EPM2A: variants seen among roughly 807,000 people sequenced by gnomAD.
EPM2A encodes laforin.
A neutral mutation model predicts 26.5 loss-of-function variants in EPM2A; 21 were observed. The ratio of observed to expected loss-of-function variants is 0.79; its 90% CI spans 0.56 to 1.14. EPM2A has a LOEUF of 1.14. Among genes scored for constraint, EPM2A ranks in the 50% most tolerant of loss-of-function variants. The probability of loss-of-function intolerance (pLI) is 0.00; values close to 1 mark genes in which losing one functional copy is unlikely to be tolerated. For missense variants in EPM2A, 458 were observed against 440.8 expected, an observed-to-expected ratio of 1.04 and a Z score of -0.35; for synonymous variants, 217 against 177.6, an observed-to-expected ratio of 1.22 and a Z score of -1.76.
chr6:145,728,329 C>A (rs1026549792), intron 1 of EPM2A, among the ~76,000 whole-genome samples: 3 of 152,100 alleles, frequency 2.0e-5, no homozygotes, highest in Non-Finnish European at 4.4e-5. Context: ...TCAGAGGAAG[C>A]AGGAGGATGA....
chr6:145,566,178 G>A (rs1460239358), intron 2 of EPM2A, among the ~76,000 whole-genome samples: 1 of 152,186 alleles, frequency 6.6e-6, no homozygotes, highest in Non-Finnish European at 1.5e-5. Flanking sequence ...TCAAGTGTTA[G>A]TCTCGGATCT....
intron 4 of EPM2A, among the ~76,000 whole-genome samples, chr6:145,445,174 T>C (rs925420653): frequency 1.3e-5 from 2 of 152,172 alleles, no homozygotes; most frequent in African/African-American, 4.8e-5. Flanking sequence ...TAGAACTTTC[T>C]CTAGTTTTTT....
chr6:145,650,340 C>T (rs1415174484), intron 2 of EPM2A, among the ~76,000 whole-genome samples: 1 of 152,104 alleles, frequency 6.6e-6, no homozygotes, highest in Non-Finnish European at 1.5e-5. Context: ...CACCTGAGGT[C>T]AGGAGTTCAA....
intron 4 of EPM2A, among the ~76,000 whole-genome samples, chr6:145,466,460 T>G (rs574341151): frequency 7.2e-5 from 11 of 152,166 alleles, no homozygotes; most frequent in African/African-American, 2.7e-4. Flanking sequence ...TTCACACCAG[T>G]TAGAATGGCA....
chr6:145,521,328 A>G (rs1360195785), intron 2 of EPM2A, among the ~76,000 whole-genome samples: 1 of 152,250 alleles, frequency 6.6e-6, no homozygotes, highest in East Asian at 1.9e-4. Flanking sequence ...GCATAAAAGA[A>G]GACATATTAA....
At chr6:145,697,770 G>A (rs1781692268) in intron 1 of EPM2A, among the ~76,000 whole-genome samples, 1 of 152,120 alleles carries the variant, frequency 6.6e-6, no homozygotes, top group South Asian at 2.1e-4. Context: ...AGAGTTTAAG[G>A]TTATCTCTCT....
intron 2 of EPM2A, among the ~76,000 whole-genome samples, chr6:145,612,070 C>T (rs901721277): frequency 7.2e-5 from 11 of 152,132 alleles, no homozygotes; most frequent in African/African-American, 2.7e-4. Context: ...TTTAGAGTAT[C>T]TTAATTTCCA....
At chr6:145,656,347 G>C (rs754829085) in intron 2 of EPM2A, among the ~76,000 whole-genome samples, 2 of 152,242 alleles carry the variant, frequency 1.3e-5, no homozygotes, top group Non-Finnish European at 2.9e-5. Flanking sequence ...AGCCTCCACA[G>C]TGTGGAGAAA....
At chr6:145,408,895 C>T (rs960619375) in intron 4 of EPM2A, among the ~76,000 whole-genome samples, 1 of 152,104 alleles carries the variant, frequency 6.6e-6, no homozygotes, top group Non-Finnish European at 1.5e-5. Context: ...GAGAGCTCCA[C>T]CCTCATGACC....
intron 4 of EPM2A, among the ~76,000 whole-genome samples, chr6:145,385,979 G>A (rs954081723): frequency 1.3e-5 from 2 of 151,944 alleles, no homozygotes; most frequent in African/African-American, 4.8e-5. Context: ...ATACTCCAGG[G>A]AGATTTCATT....
At chr6:145,714,926 T>C (rs747686725) in intron 1 of EPM2A, among the ~76,000 whole-genome samples, 1 of 152,094 alleles carries the variant, frequency 6.6e-6, no homozygotes, top group Non-Finnish European at 1.5e-5. Context: ...AGTAAGAAAA[T>C]TATTTAACCA....
chr6:145,441,138 A>C (rs1779057862), intron 4 of EPM2A, among the ~76,000 whole-genome samples: 1 of 152,212 alleles, frequency 6.6e-6, no homozygotes, highest in Non-Finnish European at 1.5e-5. Context: ...GGAAGTTCCC[A>C]AATCACAATT....
At chr6:145,595,195 A>T (rs1017015387) in intron 2 of EPM2A, among the ~76,000 whole-genome samples, 2 of 151,920 alleles carry the variant, frequency 1.3e-5, no homozygotes, top group Non-Finnish European at 2.9e-5. Context: ...TTAATTAAAA[A>T]TTCTGGGGTC....
At chr6:145,656,565 C>T (rs1245984590) in intron 2 of EPM2A, among the ~76,000 whole-genome samples, 1 of 152,196 alleles carries the variant, frequency 6.6e-6, no homozygotes, top group Non-Finnish European at 1.5e-5. Context: ...ATGAAACAAA[C>T]AATATCTCTA....
chr6:145,600,937 G>A (rs982690307), intron 2 of EPM2A, among the ~76,000 whole-genome samples: 1 of 152,214 alleles, frequency 6.6e-6, no homozygotes, highest in Non-Finnish European at 1.5e-5. Flanking sequence ...ACTGTCCAGA[G>A]GGTCATGGCT....
chr6:145,592,625 T>A (rs943563618), intron 2 of EPM2A, among the ~76,000 whole-genome samples: 2 of 152,152 alleles, frequency 1.3e-5, no homozygotes, highest in African/African-American at 2.4e-5. Context: ...TATTTCTCCA[T>A]ATCCTCTCCA....
In EPM2A at chr6:145,396,722, G is replaced by C. The variant is rs139213360; in HGVS notation, c.556-12625C>G. On this transcript the variant is annotated intron_variant, in intron 4 of 4. Transcript: ENST00000638717. ...TCACTTCCCTTCACTGTAATGGCAAGTTGATTTCATTCTGTTATTGCCACC... is the reference window on the plus strand; with the variant it reads ...TCACTTCCCTTCACTGTAATGGCAACTTGATTTCATTCTGTTATTGCCACC... 8.5e-5 allele frequency among the ~76,000 whole-genome samples: 13 copies of C among 152,308 alleles called. No homozygotes were observed. In the South Asian group the frequency reaches 1.2e-3, roughly 15 times the overall value.
intron 2 of EPM2A, among the ~76,000 whole-genome samples, chr6:145,505,735 A>G (rs1452080971): frequency 6.6e-6 from 1 of 152,222 alleles, no homozygotes; most frequent in Non-Finnish European, 1.5e-5. Context: ...CTGTAGGACC[A>G]TATATGTCCC....
chr6:145,415,867 A>G (rs529807360), intron 4 of EPM2A, among the ~76,000 whole-genome samples: 6 of 152,118 alleles, frequency 3.9e-5, no homozygotes, highest in African/African-American at 1.4e-4. Context: ...TCCTAAGCCC[A>G]TTTGCTTATG....
Sources: gnomAD v4.1 joint callset for allele counts (sites outside exome capture counted in the v4.1 genomes callset) on GRCh38, gnomAD v4.1.1 for gene constraint, MANE v1.5 for transcripts, NCBI Gene and HGNC (gene_info 2026-07-23, HGNC 2026-07-21) for gene names.